Variants in ORMDL1 observed in about 807,000 individuals in gnomAD.
ORMDL1 encodes ORM1-like protein 1.
In ORMDL1, 10 loss-of-function variants were observed where a neutral mutation model predicts 13.0. That is an observed-to-expected ratio of 0.77 (90% CI 0.47 to 1.30). The LOEUF is 1.30. ORMDL1 is among the 50% of genes most tolerant of loss of function. The pLI, the probability that ORMDL1 is intolerant of heterozygous loss-of-function variation, is 0.00. For missense variants in ORMDL1, 171 were observed against 186.7 expected, an observed-to-expected ratio of 0.92 and a Z score of 0.49; for synonymous variants, 61 against 63.9, an observed-to-expected ratio of 0.95 and a Z score of 0.22.
chr2:189,780,069 T>C (rs576816822), intron 3 of ORMDL1, among the ~76,000 whole-genome samples: 2 of 152,346 alleles, frequency 1.3e-5, no homozygotes, highest in South Asian at 2.1e-4. Flanking sequence ...AATATCGGCA[T>C]ATACATAATG....
rs774962765 is a variant in ORMDL1 at position 189,775,674 on chromosome 2, C to T, written c.217G>A (p.Glu73Lys). Reference sequence around the variant, plus strand: ...CTTGCTTTACCCTGGTCAGGAGTTTCGAAAGGTGTTCCTTTCACTGCATGC... The same window carrying T: ...CTTGCTTTACCCTGGTCAGGAGTTTTGAAAGGTGTTCCTTTCACTGCATGC... Reference protein sequence around the residue: ...FLHAVKGTPFETPDQGKARLL... With the variant: ...FLHAVKGTPFKTPDQGKARLL... The change falls in exon 4 of 5, where the codon GAA (glutamate) becomes AAA (lysine). Residue 73 changes from glutamate (E) to lysine (K), a missense_variant. By Grantham distance (56) the Glu-to-Lys change is moderately conservative. Transcript: ENST00000392349. 3.1e-6 allele frequency: 5 copies of T among 1,613,844 alleles called. No homozygotes were observed. The highest frequency in any genetic ancestry group is 1.1e-5 in the South Asian group (1 of 91,046).
Position 189,782,401 on chromosome 2 carries a change from A to G in ORMDL1, c.174+21T>C. 1.9e-6 allele frequency: 3 copies of G among 1,593,302 alleles called. No homozygotes were observed. The Admixed American group carries it at 5.1e-5, about 27-fold the overall frequency. On this transcript the variant is annotated intron_variant, in intron 3 of 4. Coordinates refer to ENST00000392349, the MANE Select transcript of ORMDL1 (RefSeq NM_016467.5). Reference sequence around the variant, plus strand: ...CTAAACTTAAAACTTTTAAGTGTTTAGTATAATGTGAAATTCTTACCAGAT... The same window carrying G: ...CTAAACTTAAAACTTTTAAGTGTTTGGTATAATGTGAAATTCTTACCAGAT...
chr2:189,780,909 A>G (rs1288113330), intron 3 of ORMDL1, among the ~76,000 whole-genome samples: 1 of 152,166 alleles, frequency 6.6e-6, no homozygotes, highest in Non-Finnish European at 1.5e-5. Flanking sequence ...CAGAAGATAG[A>G]AAATAAATAT....
chr2:189,773,528 C>A (rs1267533419), intron 4 of ORMDL1, among the ~76,000 whole-genome samples: 2 of 152,044 alleles, frequency 1.3e-5, no homozygotes, highest in African/African-American at 4.8e-5. Flanking sequence ...TCAAGACCAG[C>A]CTGGTCAACA....
intron 4 of ORMDL1, among the ~76,000 whole-genome samples, chr2:189,774,188 T>A (rs2047643386): frequency 6.6e-6 from 1 of 152,212 alleles, no homozygotes; most frequent in Non-Finnish European, 1.5e-5. Context: ...AATCGGGTCT[T>A]GCTCTGTTGC....
chr2:189,780,043 T>C (rs904251184), intron 3 of ORMDL1, among the ~76,000 whole-genome samples: 1 of 152,184 alleles, frequency 6.6e-6, no homozygotes. Flanking sequence ...AGATTTTGGA[T>C]TGTTTTGGAT....
chr2:189,769,134 AGCCT>A (rs1380566469), downstream of ORMDL1, among the ~76,000 whole-genome samples: 1 of 152,310 alleles, frequency 6.6e-6, no homozygotes. Flanking sequence ...CTGTAATCCC[AGCCT>A]GACCAACATG....
At chr2:189,765,625 T>C (rs2047467936), downstream of ORMDL1, 1 of 152,228 alleles carries the variant, frequency 6.6e-6, no homozygotes, top group African/African-American at 2.4e-5. Context: ...CTGGTCATTA[T>C]CTTCCTTGTA....
At chr2:189,777,737 G>A (rs1361781424) in intron 3 of ORMDL1, among the ~76,000 whole-genome samples, 1 of 152,148 alleles carries the variant, frequency 6.6e-6, no homozygotes, top group Non-Finnish European at 1.5e-5. Flanking sequence ...GCTGGGCCAA[G>A]AATCCTGTGA....
At chr2:189,767,319 C>G (rs2047498173), downstream of ORMDL1, among the ~76,000 whole-genome samples, 1 of 152,136 alleles carries the variant, frequency 6.6e-6, no homozygotes, top group Non-Finnish European at 1.5e-5. Flanking sequence ...CTAGGAGAGA[C>G]AAATGTTTCA....
rs778750231 is a variant in ORMDL1 at position 189,782,608 on chromosome 2, G to A, written c.-7-6C>T. The A allele has an allele frequency of 3.1e-6, 5 of 1,610,906 alleles. No homozygotes were observed. The highest frequency in any genetic ancestry group is 4.2e-6 in the Non-Finnish European group (5 of 1,177,614). On this transcript the variant is annotated splice_region_variant and splice_polypyrimidine_tract_variant and intron_variant, in intron 2 of 4. Coordinates refer to ENST00000392349, the MANE Select transcript of ORMDL1 (RefSeq NM_016467.5). ...CTCCAACGTTCATGTTTGCTCTGTA[G>A]GAAGTAATGAAATGAATCAACACTG...
In ORMDL1 at chr2:189,770,956, C is replaced by T. The variant is rs2047565025; in HGVS notation, c.*811G>A. 1 of 152,132 alleles carries T rather than the reference C, an allele frequency of 6.6e-6. No homozygotes were observed. The highest frequency in any genetic ancestry group is 1.5e-5 in the Non-Finnish European group (1 of 68,016). The allele number at this position is 152,132 out of a possible 1,614,324, so 9.4% of individuals were successfully genotyped here. ...AAACTTTCCCAATTAAATTGTTCAA[C>T]CAAATAAGCAGACACCTTTAAATTA... is the stretch of plus-strand genomic sequence containing the variant. On this transcript the variant is annotated 3_prime_UTR_variant, in exon 5 of 5. Coordinates refer to ENST00000392349, the MANE Select transcript of ORMDL1 (RefSeq NM_016467.5).
chr2:189,772,811 G>A (rs2047607873), intron 4 of ORMDL1, among the ~76,000 whole-genome samples: 1 of 152,156 alleles, frequency 6.6e-6, no homozygotes, highest in Admixed American at 6.5e-5. Flanking sequence ...AATATCTTGT[G>A]TAACATGGTT....
intron 3 of ORMDL1, among the ~76,000 whole-genome samples, chr2:189,780,280 T>TA (rs2047794088): frequency 6.6e-6 from 1 of 152,230 alleles, no homozygotes; most frequent in Non-Finnish European, 1.5e-5. Context: ...ACACTGGTGC[T>TA]AAAAAAGTTT....
At chr2:189,765,310 G>A (rs1045602992), downstream of ORMDL1, 4 of 152,206 alleles carry the variant, frequency 2.6e-5, no homozygotes, top group Admixed American at 1.3e-4. Flanking sequence ...AAGACAAAAT[G>A]CAGTACAGAA....
intron 3 of ORMDL1, chr2:189,778,121 T>C: frequency 6.7e-6 from 3 of 446,884 alleles, no homozygotes; most frequent in South Asian, 4.8e-5. Context: ...AGGGATGGCA[T>C]CTAAACCGTG....
At chr2:189,764,640 T>C in the ORMDL1 span, among the ~76,000 whole-genome samples, 1 of 152,164 alleles carries the variant, frequency 6.6e-6, no homozygotes, top group Non-Finnish European at 1.5e-5. Flanking sequence ...TCTGTACTTT[T>C]ATGCAGATAG....
chr2:189,774,723 A>G (rs533481263), intron 4 of ORMDL1: 2 of 152,330 alleles, frequency 1.3e-5, no homozygotes, highest in South Asian at 4.1e-4. Flanking sequence ...TTATTTGTCA[A>G]TTATACCTCA....
chr2:189,768,479 A>G (rs186669273), downstream of ORMDL1, among the ~76,000 whole-genome samples: 2 of 152,238 alleles, frequency 1.3e-5, no homozygotes. Flanking sequence ...ATGAAAATCA[A>G]GATTCAGCTT....
Sources: gnomAD v4.1 joint callset for allele counts (sites outside exome capture counted in the v4.1 genomes callset) on GRCh38, gnomAD v4.1.1 for gene constraint, MANE v1.5 for transcripts, NCBI Gene and HGNC (gene_info 2026-07-23, HGNC 2026-07-21) for gene names.